The following MBTD1 variants were observed in gnomAD, a reference collection of about 807,000 sequenced individuals.
MBTD1 encodes the protein mbt domain containing 1.
In MBTD1, 24 loss-of-function variants were observed where a neutral mutation model predicts 87.8. The observed-to-expected ratio is 0.27, with a 90% CI of 0.20 to 0.38. MBTD1 has a LOEUF of 0.38. MBTD1 is among the 10% of genes least tolerant of loss of function. The pLI is 1.00. For synonymous variants in MBTD1, 237 were observed against 248.6 expected (o/e 0.95, Z 0.44); for missense variants, 436 against 760.2 (o/e 0.57, Z 5.02).
chr17:51,253,660 T>A (rs1287173089), intron 2 of MBTD1, among the ~76,000 whole-genome samples: 1 of 152,118 alleles, frequency 6.6e-6, no homozygotes, highest in Non-Finnish European at 1.5e-5. Context: ...AATCTAACTT[T>A]TCAATATTTT....
At chr17:51,238,739 G>A (rs960602075) in intron 2 of MBTD1, among the ~76,000 whole-genome samples, 1 of 152,158 alleles carries the variant, frequency 6.6e-6, no homozygotes, top group Non-Finnish European at 1.5e-5. Flanking sequence ...GTGACTGGCT[G>A]GGAAGCTGTA....
chr17:51,240,177 A>C (rs1411681186), intron 2 of MBTD1, among the ~76,000 whole-genome samples: 3 of 152,168 alleles, frequency 2.0e-5, no homozygotes, highest in Non-Finnish European at 4.4e-5. Flanking sequence ...AATTTATGGT[A>C]AAAGTGAAAA....
At chr17:51,237,295 C>CAAAAA (rs368805446) in intron 2 of MBTD1, among the ~76,000 whole-genome samples, 27 of 60,304 alleles carry the variant, frequency 4.5e-4, no homozygotes, top group African/African-American at 1.1e-3. Context: ...GACTCCATCT[C>CAAAAA]AAAAAAAAAA....
At position 51,259,980 on chromosome 17, in the gene MBTD1, C is replaced by T. The variant is rs2055377602; in HGVS notation, c.-258G>A. Reference sequence around the variant, plus strand: ...AGGGGGCCCCCGGCTGGGCCCAGACCGGTGGCGGGTGCAGCAGCCCCCGGA... The same window carrying T: ...AGGGGGCCCCCGGCTGGGCCCAGACTGGTGGCGGGTGCAGCAGCCCCCGGA... On this transcript the variant is annotated 5_prime_UTR_variant, in exon 1 of 17. Coordinates refer to ENST00000586178, the MANE Select transcript of MBTD1 (RefSeq NM_017643.3). 1.2e-6 allele frequency: 1 copy of T among 827,246 alleles called. No homozygotes were observed. The highest frequency in any genetic ancestry group is 1.6e-6 in the Non-Finnish European group (1 of 618,692). 51.2% of individuals were successfully genotyped at this position (827,246 alleles called of 1,614,324 possible).
intron 13 of MBTD1, among the ~76,000 whole-genome samples, chr17:51,194,159 T>C (rs1032629366): frequency 2.0e-5 from 3 of 152,242 alleles, no homozygotes; most frequent in Non-Finnish European, 2.9e-5. Flanking sequence ...GCAAATACTA[T>C]TTTTTATAGA....
At chr17:51,234,894 T>G (rs1455620887) in intron 2 of MBTD1, among the ~76,000 whole-genome samples, 1 of 151,764 alleles carries the variant, frequency 6.6e-6, no homozygotes, top group Non-Finnish European at 1.5e-5. Context: ...ATGGAGTTTC[T>G]CCATGTTGGT....
Position 51,258,532 on chromosome 17 carries a change from A to G in MBTD1, c.-49+611T>C, listed in dbSNP as rs2055227854. Reference sequence around the variant, plus strand: ...AAAAAAAAAAAGAAGGAGTAAAAGCATTTGGAAGAGAGGCCCTTGGAGGAA... The same window carrying G: ...AAAAAAAAAAAGAAGGAGTAAAAGCGTTTGGAAGAGAGGCCCTTGGAGGAA... On this transcript the variant is annotated intron_variant, in intron 2 of 16. Coordinates refer to ENST00000586178, the MANE Select transcript of MBTD1 (RefSeq NM_017643.3). 2.6e-5 allele frequency among the ~76,000 whole-genome samples: 4 copies of G among 151,504 alleles called. No homozygotes were observed. In the South Asian group the frequency reaches 8.3e-4, roughly 31 times the overall value.
intron 2 of MBTD1, among the ~76,000 whole-genome samples, chr17:51,258,468 G>A (rs960226780): frequency 2.0e-5 from 3 of 151,340 alleles, no homozygotes; most frequent in Non-Finnish European, 4.4e-5. Flanking sequence ...GTATTAAAAT[G>A]GTTCGTAAAT....
intron 6 of MBTD1, among the ~76,000 whole-genome samples, chr17:51,212,918 CG>C (rs1285342479): frequency 1.3e-5 from 2 of 152,094 alleles, no homozygotes; most frequent in African/African-American, 4.8e-5. Flanking sequence ...TTAGTAGAGA[CG>C]GGGTTTCACC....
intron 2 of MBTD1, among the ~76,000 whole-genome samples, chr17:51,228,111 A>G (rs1211747286): frequency 1.3e-5 from 2 of 152,226 alleles, no homozygotes; most frequent in African/African-American, 4.8e-5. Context: ...CAAGCTAAAC[A>G]GTATTTCCTC....
chr17:51,222,839 TA>T (rs1163777264), intron 3 of MBTD1, among the ~76,000 whole-genome samples: 1 of 148,468 alleles, frequency 6.7e-6, no homozygotes, highest in Non-Finnish European at 1.5e-5. Flanking sequence ...TCTCGCTCTG[TA>T]GCCAGGCTGG....
At chr17:51,246,378 G>A (rs1463534439) in intron 2 of MBTD1, among the ~76,000 whole-genome samples, 1 of 152,188 alleles carries the variant, frequency 6.6e-6, no homozygotes, top group Non-Finnish European at 1.5e-5. Flanking sequence ...TGCTCAAAGA[G>A]TTTCAAATTT....
chr17:51,216,639 A>T (rs1357212374), intron 6 of MBTD1, among the ~76,000 whole-genome samples: 1 of 152,266 alleles, frequency 6.6e-6, no homozygotes, highest in Non-Finnish European at 1.5e-5. Context: ...CTTCTGAATT[A>T]TCAGTTCAAA....
chr17:51,209,801 T>G (rs781625417), intron 6 of MBTD1, among the ~76,000 whole-genome samples: 2 of 152,082 alleles, frequency 1.3e-5, no homozygotes, highest in Non-Finnish European at 2.9e-5. Flanking sequence ...AGATGGCAAA[T>G]GTACAAAAAG....
intron 12 of MBTD1, among the ~76,000 whole-genome samples, chr17:51,198,324 T>C (rs187428813): frequency 1.3e-5 from 2 of 152,348 alleles, no homozygotes; most frequent in Non-Finnish European, 1.5e-5. Context: ...AGTTATCCTG[T>C]CTACTAAAGA....
chr17:51,246,988 T>G (rs2054475603), intron 2 of MBTD1, among the ~76,000 whole-genome samples: 1 of 152,154 alleles, frequency 6.6e-6, no homozygotes, highest in Non-Finnish European at 1.5e-5. Context: ...AGTATAATAT[T>G]AAGTCATGGA....
chr17:51,220,312 A>C lies in MBTD1; in HGVS notation c.288+18T>G. Reference sequence around the variant, plus strand: ...ATAGAAATAATGGATATAAGTAAGAAAGTTTCTGTACCGTTACCTGAAGTC... The same window carrying C: ...ATAGAAATAATGGATATAAGTAAGACAGTTTCTGTACCGTTACCTGAAGTC... On this transcript the variant is annotated intron_variant, in intron 4 of 16. Coordinates refer to ENST00000586178, the MANE Select transcript of MBTD1 (RefSeq NM_017643.3). 6.5e-7 allele frequency: 1 copy of C among 1,536,232 alleles called. No individual in the cohort carries two copies. The highest frequency in any genetic ancestry group is 1.4e-5 in the African/African-American group (1 of 72,286).
intron 6 of MBTD1, among the ~76,000 whole-genome samples, chr17:51,215,966 C>T (rs930502344): frequency 6.2e-5 from 8 of 129,994 alleles, no homozygotes; most frequent in African/African-American, 2.4e-4. Flanking sequence ...GAGTGTCGCT[C>T]TATTGCCCAG....
rs1189881827 is a variant in MBTD1 at position 51,179,482 on chromosome 17, TTTTATATATATATATATATATA to T, written c.*1072_*1093del. ...AAATCCTGAATACAATTAAAGACAA[TTTTATATATATATATATATATA>T]TATATATATATATATATATATATAT... On this transcript the variant is annotated 3_prime_UTR_variant, in exon 17 of 17. Transcript: ENST00000586178. 610 of 31,646 alleles carry T rather than the reference TTTTATATATATATATATATATA, an allele frequency of 0.019. 96 individuals are homozygous for T. The highest frequency in any genetic ancestry group is 0.031 in the Admixed American group (69 of 2,202). The allele number at this position is 31,646 out of a possible 1,614,324, so 2.0% of individuals were successfully genotyped here.
Sources: gnomAD v4.1 joint callset for allele counts (sites outside exome capture counted in the v4.1 genomes callset) on GRCh38, gnomAD v4.1.1 for gene constraint, MANE v1.5 for transcripts, NCBI Gene and HGNC (gene_info 2026-07-23, HGNC 2026-07-21) for gene names.